Variants in CNTN5 observed in about 807,000 individuals in gnomAD.
The protein encoded by CNTN5 is contactin 5.
Under a neutral mutation model 129.1 loss-of-function variants are expected in CNTN5, and 77 were observed. The observed-to-expected ratio is 0.60, with a 90% CI of 0.50 to 0.72. The LOEUF (loss-of-function observed/expected upper bound fraction) is 0.72. Among genes scored for constraint, CNTN5 ranks in the 30% least tolerant of loss-of-function variants. The probability of loss-of-function intolerance (pLI) is 0.00; values close to 1 mark genes in which losing one functional copy is unlikely to be tolerated. For missense variants in CNTN5, 1,478 were observed against 1,328.8 expected (o/e 1.11, Z -1.75); for synonymous variants, 509 against 465.6 (o/e 1.09, Z -1.20).
intron 3 of CNTN5, among the ~76,000 whole-genome samples, chr11:99,727,321 A>AAAAAAAAAAAAAAAAAG (rs1319837016): frequency 0.018 from 2,217 of 122,954 alleles, 167 homozygotes; most frequent in East Asian, 0.079. Flanking sequence ...TCAAAAAAAA[A>AAAAAAAAAAAAAAAAAG]AAAAAAAAAA....
chr11:99,287,572 T>C (rs1313502055), intron 1 of CNTN5, among the ~76,000 whole-genome samples: 4 of 152,078 alleles, frequency 2.6e-5, no homozygotes, highest in African/African-American at 9.7e-5. Context: ...ACAAGTGGAT[T>C]ATATGAGAAT....
chr11:99,738,616 C>T (rs6144474), intron 3 of CNTN5, among the ~76,000 whole-genome samples: 25,341 of 143,258 alleles, frequency 0.18, 2,301 homozygotes, highest in African/African-American at 0.24. Context: ...AAGACAGTAA[C>T]GTGTGTGTGT....
intron 2 of CNTN5, among the ~76,000 whole-genome samples, chr11:99,381,009 T>C (rs1453924400): frequency 1.3e-5 from 2 of 152,040 alleles, no homozygotes; most frequent in Non-Finnish European, 2.9e-5. Flanking sequence ...GCCAAAAAAA[T>C]AGAAATATCT....
intron 13 of CNTN5, among the ~76,000 whole-genome samples, chr11:100,143,345 G>A (rs1346885463): frequency 2.6e-5 from 4 of 152,108 alleles, no homozygotes; most frequent in African/African-American, 9.7e-5. Context: ...GCCAGCTGGA[G>A]CCTGAAAACT....
chr11:99,987,962 A>G (rs2137395368), intron 8 of CNTN5, among the ~76,000 whole-genome samples: 1 of 152,326 alleles, frequency 6.6e-6, no homozygotes, highest in East Asian at 1.9e-4. Context: ...CTTGTAGCAG[A>G]TGTTCAGTTA....
At chr11:99,470,218 A>G (rs534082705) in intron 2 of CNTN5, among the ~76,000 whole-genome samples, 1 of 152,250 alleles carries the variant, frequency 6.6e-6, no homozygotes, top group South Asian at 2.1e-4. Flanking sequence ...CCTCCACTGA[A>G]TCTTTGCCAA....
chr11:99,485,818 C>T (rs926883258), intron 2 of CNTN5, among the ~76,000 whole-genome samples: 5 of 151,846 alleles, frequency 3.3e-5, no homozygotes, highest in Non-Finnish European at 5.9e-5. Flanking sequence ...TCTAAAATTA[C>T]GGAGAGGTAA....
chr11:99,897,936 A>G (rs535130036), intron 6 of CNTN5, among the ~76,000 whole-genome samples: 13 of 152,282 alleles, frequency 8.5e-5, no homozygotes, highest in African/African-American at 3.1e-4. Context: ...CTCAAAGTAA[A>G]TGGTTGGAGA....
intron 1 of CNTN5, among the ~76,000 whole-genome samples, chr11:99,070,060 G>A (rs1865279579): frequency 6.6e-6 from 1 of 152,182 alleles, no homozygotes; most frequent in Non-Finnish European, 1.5e-5. Context: ...CAGCTGGTGA[G>A]CTGGCTTCCT....
At chr11:100,214,568 G>T (rs892399561) in intron 15 of CNTN5, among the ~76,000 whole-genome samples, 2 of 152,248 alleles carry the variant, frequency 1.3e-5, no homozygotes, top group South Asian at 4.1e-4. Flanking sequence ...CCAACACTAC[G>T]TGGAAGGTCA....
chr11:99,451,655 T>C (rs1944306376), intron 2 of CNTN5, among the ~76,000 whole-genome samples: 1 of 152,174 alleles, frequency 6.6e-6, no homozygotes, highest in African/African-American at 2.4e-5. Context: ...GCGGTAGACA[T>C]AAGAAATAAA....
At chr11:99,263,282 GAA>G (rs1000482236) in intron 1 of CNTN5, among the ~76,000 whole-genome samples, 1 of 151,974 alleles carries the variant, frequency 6.6e-6, no homozygotes, top group African/African-American at 2.4e-5. Context: ...TTATCCCGGA[GAA>G]AAAACTATCC....
chr11:99,372,941 G>C (rs1463591379), intron 2 of CNTN5, among the ~76,000 whole-genome samples: 1 of 152,220 alleles, frequency 6.6e-6, no homozygotes, highest in Non-Finnish European at 1.5e-5. Context: ...GGGCCCAGTG[G>C]CTCACGCCTA....
intron 7 of CNTN5, among the ~76,000 whole-genome samples, chr11:99,951,012 A>T (rs1950660867): frequency 6.6e-6 from 1 of 152,188 alleles, no homozygotes; most frequent in African/African-American, 2.4e-5. Context: ...ATATTTCTGT[A>T]GAACTAATTT....
In CNTN5 at chr11:99,679,773, C is replaced by G. The variant is rs181225863; in HGVS notation, c.55+123504C>G. On this transcript the variant is annotated intron_variant, in intron 3 of 24. Transcript: ENST00000524871. The stretch of plus-strand genomic sequence containing the variant: ...AAAGCTAGAAATGATTACACTTAGG[C>G]GGGCATGGCGAAAGCCAAGATAACC... 3.1e-3 allele frequency among the ~76,000 whole-genome samples: 467 copies of G among 152,318 alleles called. 6 individuals are homozygous for G. Among genetic ancestry groups the G allele is most frequent in the Non-Finnish European group, 5.1e-3 (345 of 68,018 alleles).
intron 6 of CNTN5, among the ~76,000 whole-genome samples, chr11:99,914,269 C>G (rs983542569): frequency 6.6e-6 from 1 of 151,914 alleles, no homozygotes; most frequent in Non-Finnish European, 1.5e-5. Flanking sequence ...CAACCACTGC[C>G]TAACTATCTT....
intron 1 of CNTN5, among the ~76,000 whole-genome samples, chr11:99,176,570 T>C (rs1340501419): frequency 2.0e-5 from 3 of 152,236 alleles, no homozygotes; most frequent in African/African-American, 4.8e-5. Flanking sequence ...ACATGTCCAG[T>C]TGAGAGTTGT....
At chr11:99,499,568 C>G (rs1946352072) in intron 2 of CNTN5, among the ~76,000 whole-genome samples, 1 of 152,244 alleles carries the variant, frequency 6.6e-6, no homozygotes, top group South Asian at 2.1e-4. Flanking sequence ...ATTACCCAGT[C>G]TCAGGTATCT....
At chr11:100,222,831 G>A (rs1420963830) in intron 15 of CNTN5, among the ~76,000 whole-genome samples, 1 of 151,966 alleles carries the variant, frequency 6.6e-6, no homozygotes, top group Non-Finnish European at 1.5e-5. Flanking sequence ...CTGATTAACT[G>A]AGTACCCCAT....
Sources: allele counts gnomAD v4.1 joint callset (sites outside exome capture counted in the v4.1 genomes callset), GRCh38; gene constraint gnomAD v4.1.1; transcripts MANE v1.5; gene names NCBI Gene and HGNC (gene_info 2026-07-23, HGNC 2026-07-21).